ZFHX3: variants seen among roughly 807,000 people sequenced by gnomAD.
ZFHX3 encodes the protein zinc finger homeobox protein 3.
In ZFHX3, 42 loss-of-function variants were observed where a neutral mutation model predicts 279.1. The observed-to-expected ratio is 0.15, with a 90% CI of 0.12 to 0.19. The LOEUF is 0.19. Among genes scored for constraint, ZFHX3 ranks in the 10% least tolerant of loss-of-function variants. The pLI, the probability that ZFHX3 is intolerant of heterozygous loss-of-function variation, is 1.00. For missense variants in ZFHX3, 4,981 were observed against 4,754.0 expected (o/e 1.05, Z -1.40); for synonymous variants, 2,293 against 1,957.8 (o/e 1.17, Z -4.52).
rs190965395 is a variant in ZFHX3, at chr16:73,465,507, T to C, written c.-1546-9249A>G. On this transcript the variant is annotated intron_variant, in intron 2 of 17. Transcript: ENST00000641206. Reference sequence around the variant, plus strand: ...CTCACTGGAGACTGGAACGTCCTCCTTACCTGCTCCTTCTCCGGTTCCCCA... The same window carrying C: ...CTCACTGGAGACTGGAACGTCCTCCCTACCTGCTCCTTCTCCGGTTCCCCA... 1.4e-3 allele frequency among the ~76,000 whole-genome samples: 205 copies of C among 151,594 alleles called. 2 individuals are homozygous for C. The highest frequency in any genetic ancestry group is 9.2e-3 in the Admixed American group (141 of 15,280).
intron 1 of ZFHX3, among the ~76,000 whole-genome samples, chr16:73,709,545 A>C (rs922223575): frequency 2.0e-5 from 3 of 152,140 alleles, no homozygotes; most frequent in African/African-American, 4.8e-5. Context: ...CACAATACAC[A>C]TGATGTCGCT....
At chr16:73,309,049 C>T (rs2015261927) in intron 4 of ZFHX3, among the ~76,000 whole-genome samples, 1 of 151,976 alleles carries the variant, frequency 6.6e-6, no homozygotes, top group Admixed American at 6.6e-5. Context: ...AGATGGGAAG[C>T]TATGAAGTTT....
At chr16:73,656,966 A>G (rs1472061893) in intron 2 of ZFHX3, among the ~76,000 whole-genome samples, 1 of 152,242 alleles carries the variant, frequency 6.6e-6, no homozygotes, top group Non-Finnish European at 1.5e-5. Flanking sequence ...TGTGTATAAC[A>G]TATTAGCTAG....
chr16:73,039,982 A>G (rs1965051854), intron 1 of ZFHX3, among the ~76,000 whole-genome samples: 1 of 152,218 alleles, frequency 6.6e-6, no homozygotes, highest in South Asian at 2.1e-4. Context: ...TAAAAACTAT[A>G]ATCGCTTTGT....
At chr16:73,523,233 T>A (rs1003578130) in intron 2 of ZFHX3, among the ~76,000 whole-genome samples, 1 of 152,204 alleles carries the variant, frequency 6.6e-6, no homozygotes, top group African/African-American at 2.4e-5. Context: ...AACGAGCAAA[T>A]AAACACACGA....
chr16:73,510,130 C>T (rs1165145491), intron 2 of ZFHX3, among the ~76,000 whole-genome samples: 1 of 152,154 alleles, frequency 6.6e-6, no homozygotes. Context: ...GGCTATGTCA[C>T]CTTTTCTGAG....
intron 2 of ZFHX3, among the ~76,000 whole-genome samples, chr16:73,577,636 C>T (rs192650281): frequency 1.3e-5 from 2 of 152,276 alleles, no homozygotes; most frequent in African/African-American, 4.8e-5. Flanking sequence ...CTGTGGACAA[C>T]AGCTTTCTCT....
chr16:73,052,044 A>G (rs1440569965), upstream of ZFHX3, among the ~76,000 whole-genome samples: 1 of 152,116 alleles, frequency 6.6e-6, no homozygotes, highest in East Asian at 1.9e-4. Context: ...GTGGGCTCCT[A>G]TTTTGTTCAT....
intron 1 of ZFHX3, among the ~76,000 whole-genome samples, chr16:73,761,336 G>C (rs965167715): frequency 6.6e-6 from 1 of 151,762 alleles, no homozygotes; most frequent in Non-Finnish European, 1.5e-5. Context: ...AAGTAAGAGA[G>C]GACAGATGGA....
chr16:73,340,898 A>C (rs982662847), intron 3 of ZFHX3, among the ~76,000 whole-genome samples: 2 of 152,242 alleles, frequency 1.3e-5, no homozygotes, highest in African/African-American at 4.8e-5. Flanking sequence ...AGTCAATAGA[A>C]GATTGATAAA....
At chr16:73,055,129 CTT>C (rs879447390) in intron 1 of ZFHX3, among the ~76,000 whole-genome samples, 2 of 145,166 alleles carry the variant, frequency 1.4e-5, no homozygotes, top group African/African-American at 2.5e-5. Flanking sequence ...TTTTCTCTCT[CTT>C]TTTTTTTTTA....
Position 73,511,822 on chromosome 16 carries a change from C to T in ZFHX3, c.-1546-55564G>A, listed in dbSNP as rs1436556467. Among the ~76,000 whole-genome samples the T allele has an allele frequency of 5.9e-5, 9 of 152,280 alleles. No individual in the cohort carries two copies. In the East Asian group the frequency reaches 1.7e-3, roughly 29 times the overall value. On this transcript the variant is annotated intron_variant, in intron 2 of 17. Coordinates refer to the ZFHX3 transcript ENST00000641206. Reference sequence around the variant, plus strand: ...AAAGAAAAAGAATGAGACTTTGAAACCTGAAATTCAATAATTTGGGTAGAT... The same window carrying T: ...AAAGAAAAAGAATGAGACTTTGAAATCTGAAATTCAATAATTTGGGTAGAT...
chr16:72,924,343 T>C (rs1959325850), intron 3 of ZFHX3, among the ~76,000 whole-genome samples: 2 of 152,176 alleles, frequency 1.3e-5, no homozygotes, highest in Admixed American at 1.3e-4. Flanking sequence ...AAACAGCCTC[T>C]GATTTCCTAC....
chr16:73,017,972 G>A (rs1338417591), intron 1 of ZFHX3, among the ~76,000 whole-genome samples: 1 of 148,404 alleles, frequency 6.7e-6, no homozygotes, highest in Non-Finnish European at 1.5e-5. Flanking sequence ...TGGGACCTAT[G>A]TTTTCTCAGT....
chr16:73,134,766 A>AGACTTGGC (rs1966760239), intron 6 of ZFHX3, among the ~76,000 whole-genome samples: 1 of 152,034 alleles, frequency 6.6e-6, no homozygotes, highest in African/African-American at 2.4e-5. Context: ...CATCAACATC[A>AGACTTGGC]GACTTGGCCA....
intron 4 of ZFHX3, among the ~76,000 whole-genome samples, chr16:72,885,021 G>A (rs189911672): frequency 5.3e-5 from 8 of 152,372 alleles, no homozygotes; most frequent in Admixed American, 5.2e-4. Flanking sequence ...GGGATTGGAA[G>A]AGGAACCTCA....
At chr16:73,667,047 A>G (rs569777774) in intron 2 of ZFHX3, among the ~76,000 whole-genome samples, 165 of 152,040 alleles carry the variant, frequency 1.1e-3, no homozygotes, top group Non-Finnish European at 9.4e-4. Flanking sequence ...GCTAGAGTGC[A>G]GTGGCACCAT....
At chr16:73,608,244 A>G (rs527995977) in intron 2 of ZFHX3, among the ~76,000 whole-genome samples, 4 of 152,126 alleles carry the variant, frequency 2.6e-5, no homozygotes, top group Non-Finnish European at 4.4e-5. Flanking sequence ...CTTCCTTCCC[A>G]TTTCCCCATG....
At chr16:73,557,356 C>T (rs2020303138) in intron 2 of ZFHX3, among the ~76,000 whole-genome samples, 1 of 152,052 alleles carries the variant, frequency 6.6e-6, no homozygotes, top group Non-Finnish European at 1.5e-5. Flanking sequence ...CGGACCCAGA[C>T]CTCAAGAGAG....
Sources: allele counts gnomAD v4.1 joint callset (sites outside exome capture counted in the v4.1 genomes callset), GRCh38; gene constraint gnomAD v4.1.1; transcripts MANE v1.5; gene names NCBI Gene and HGNC (gene_info 2026-07-23, HGNC 2026-07-21).